Variants in CADM2 observed in about 807,000 individuals in gnomAD.
CADM2 encodes cell adhesion molecule 2.
Under a neutral mutation model 49.8 loss-of-function variants are expected in CADM2, and 12 were observed. The ratio of observed to expected loss-of-function variants is 0.24; its 90% CI spans 0.15 to 0.39. The LOEUF (loss-of-function observed/expected upper bound fraction) is 0.39. Ranked by LOEUF, CADM2 falls within the 10% of genes least tolerant of loss-of-function variation. The probability of loss-of-function intolerance (pLI) is 1.00; values close to 1 mark genes in which losing one functional copy is unlikely to be tolerated. For synonymous variants in CADM2, 214 were observed against 175.4 expected (o/e 1.22, Z -1.74); for missense variants, 378 against 492.3 (o/e 0.77, Z 2.20).
At chr3:85,693,436 C>CGG (rs1238167360) in intron 1 of CADM2, among the ~76,000 whole-genome samples, 2 of 150,162 alleles carry the variant, frequency 1.3e-5, no homozygotes. Context: ...AAAAATTAGC[C>CGG]GGGCGCAGTG....
chr3:85,953,613 A>G (rs2108593426), intron 7 of CADM2, among the ~76,000 whole-genome samples: 1 of 151,066 alleles, frequency 6.6e-6, no homozygotes, highest in Middle Eastern at 3.4e-3. Flanking sequence ...TAACTCATTT[A>G]TGCCACTTAC....
chr3:85,872,912 C>A (rs1286962271), intron 3 of CADM2, among the ~76,000 whole-genome samples: 1 of 152,034 alleles, frequency 6.6e-6, no homozygotes, highest in Non-Finnish European at 1.5e-5. Context: ...TTTTTTTATA[C>A]ATTGACTGTC....
At chr3:85,221,735 A>G (rs771066625) in intron 1 of CADM2, among the ~76,000 whole-genome samples, 4 of 152,202 alleles carry the variant, frequency 2.6e-5, no homozygotes, top group Non-Finnish European at 5.9e-5. Context: ...TAACCATTGT[A>G]AACAGGCGTT....
chr3:85,029,444 A>G (rs1023868401), intron 1 of CADM2, among the ~76,000 whole-genome samples: 1 of 152,208 alleles, frequency 6.6e-6, no homozygotes, highest in Non-Finnish European at 1.5e-5. Flanking sequence ...TGTCCACCTG[A>G]TAAAAGTAGA....
chr3:85,841,812 A>G (rs1257847495), intron 3 of CADM2, among the ~76,000 whole-genome samples: 1 of 152,078 alleles, frequency 6.6e-6, no homozygotes, highest in Non-Finnish European at 1.5e-5. Context: ...TAAACAGAGA[A>G]ACATAAATTT....
At chr3:85,924,086 T>A (rs1235235040) in intron 6 of CADM2, among the ~76,000 whole-genome samples, 1 of 152,184 alleles carries the variant, frequency 6.6e-6, no homozygotes, top group East Asian at 1.9e-4. Context: ...AATTTCATAA[T>A]GTATCTTAGA....
intron 1 of CADM2, among the ~76,000 whole-genome samples, chr3:85,643,927 G>A (rs2064809161): frequency 6.6e-6 from 1 of 151,990 alleles, no homozygotes; most frequent in South Asian, 2.1e-4. Flanking sequence ...GCTACATTGG[G>A]GGTTAGGGCT....
intron 1 of CADM2, among the ~76,000 whole-genome samples, chr3:84,968,610 T>C (rs2031187097): frequency 6.6e-6 from 1 of 152,196 alleles, no homozygotes; most frequent in Admixed American, 6.5e-5. Context: ...TTGTGATACA[T>C]AATACAGTAT....
At chr3:85,518,283 G>A (rs970355738) in intron 1 of CADM2, among the ~76,000 whole-genome samples, 15 of 152,172 alleles carry the variant, frequency 9.9e-5, no homozygotes, top group Admixed American at 6.5e-4. Context: ...GGGCCACCAC[G>A]TCTAGCCTCA....
Position 85,237,425 on chromosome 3 carries a change from G to A in CADM2, c.61+277757G>A, listed in dbSNP as rs549448039. 1.5e-4 allele frequency among the ~76,000 whole-genome samples: 23 copies of A among 151,486 alleles called. No homozygotes were observed. In the South Asian group the frequency reaches 4.2e-3, roughly 28 times the overall value. On this transcript the variant is annotated intron_variant, in intron 1 of 9. Transcript: ENST00000383699. ...CTAATTTTACAGGTAAAGATATGGC[G>A]ATGTTTGTCTCTGTTGTCTCACAGT...
Position 85,745,335 on chromosome 3 carries a change from G to T in CADM2, c.88+18787G>T, listed in dbSNP as rs142958636. The stretch of plus-strand genomic sequence containing the variant: ...AACATTTTTATTTTGTTGGATAATG[G>T]TATTTTCCTGACTGTGTGTCTTCTT... On this transcript the variant is annotated intron_variant, in intron 2 of 9. Coordinates refer to ENST00000383699, the MANE Select transcript of CADM2 (RefSeq NM_001167675.2). Among the ~76,000 whole-genome samples the T allele has an allele frequency of 8.7e-3, 1,317 of 152,226 alleles. 22 individuals carry two copies. Among genetic ancestry groups the T allele is most frequent in the African/African-American group, 0.029 (1,186 of 41,516 alleles).
chr3:85,675,759 G>T (rs1256111106), intron 1 of CADM2, among the ~76,000 whole-genome samples: 1 of 152,100 alleles, frequency 6.6e-6, no homozygotes, highest in Non-Finnish European at 1.5e-5. Context: ...CATAGAGGGT[G>T]TACTTTTGTG....
At chr3:85,460,373 A>T (rs1207470555) in intron 1 of CADM2, among the ~76,000 whole-genome samples, 1 of 152,198 alleles carries the variant, frequency 6.6e-6, no homozygotes, top group Non-Finnish European at 1.5e-5. Flanking sequence ...TTTTCAGCTT[A>T]CATAAATTAA....
chr3:85,675,129 C>A (rs1215312469), intron 1 of CADM2, among the ~76,000 whole-genome samples: 3 of 152,116 alleles, frequency 2.0e-5, no homozygotes, highest in African/African-American at 7.2e-5. Context: ...AAAATAATGA[C>A]AAAGTATCCG....
intron 1 of CADM2, among the ~76,000 whole-genome samples, chr3:85,663,856 T>C (rs1297063764): frequency 6.6e-6 from 1 of 152,024 alleles, no homozygotes; most frequent in African/African-American, 2.4e-5. Flanking sequence ...TACTTGTCTT[T>C]TATTCTTGTG....
At chr3:86,028,381 A>G (rs1734169687) in intron 8 of CADM2, among the ~76,000 whole-genome samples, 2 of 152,156 alleles carry the variant, frequency 1.3e-5, no homozygotes, top group South Asian at 4.1e-4. Context: ...ATTATTTTCA[A>G]TGCTTCCACT....
At chr3:85,970,606 T>G (rs1339297033) in intron 8 of CADM2, among the ~76,000 whole-genome samples, 1 of 151,358 alleles carries the variant, frequency 6.6e-6, no homozygotes, top group Admixed American at 6.6e-5. Flanking sequence ...TTAACTAAAC[T>G]TTTGTATTTC....
chr3:85,638,712 A>G (rs1168650192), intron 1 of CADM2, among the ~76,000 whole-genome samples: 1 of 152,048 alleles, frequency 6.6e-6, no homozygotes, highest in Non-Finnish European at 1.5e-5. Context: ...ATCATTCCAT[A>G]CTTATTTCCC....
intron 8 of CADM2, among the ~76,000 whole-genome samples, chr3:85,984,549 G>A (rs530309172): frequency 2.0e-5 from 3 of 151,358 alleles, no homozygotes; most frequent in South Asian, 4.2e-4. Context: ...TTTATACTTA[G>A]GACAGAAAAT....
Sources: allele counts gnomAD v4.1 joint callset (sites outside exome capture counted in the v4.1 genomes callset), GRCh38; gene constraint gnomAD v4.1.1; transcripts MANE v1.5; gene names NCBI Gene and HGNC (gene_info 2026-07-23, HGNC 2026-07-21).